The following PDZD2 variants were observed in gnomAD, a reference collection of about 807,000 sequenced individuals.
PDZD2 encodes PDZ domain containing 2.
Under a neutral mutation model 220.7 loss-of-function variants are expected in PDZD2, and 90 were observed. That is an observed-to-expected ratio of 0.41 (90% CI 0.34 to 0.49). The LOEUF is 0.49. PDZD2 is among the 20% of genes least tolerant of loss of function. The pLI is 0.28. For synonymous variants in PDZD2, 1,375 were observed against 1,450.5 expected, an observed-to-expected ratio of 0.95 and a Z score of 1.18; for missense variants, 3,174 against 3,608.5, an observed-to-expected ratio of 0.88 and a Z score of 3.08.
At chr5:31,836,607 A>T (rs568695004) in intron 2 of PDZD2, among the ~76,000 whole-genome samples, 1 of 151,620 alleles carries the variant, frequency 6.6e-6, no homozygotes, top group African/African-American at 2.4e-5. Context: ...TTCTTTTACA[A>T]CCTCTCCTAG....
intron 1 of PDZD2, among the ~76,000 whole-genome samples, chr5:31,788,752 T>G (rs953473289): frequency 1.1e-4 from 17 of 152,188 alleles, no homozygotes; most frequent in Admixed American, 4.6e-4. Flanking sequence ...TAGTTTGTAT[T>G]TGCACTGTTT....
intron 2 of PDZD2, among the ~76,000 whole-genome samples, chr5:31,919,762 G>A (rs535769193): frequency 3.4e-5 from 5 of 148,988 alleles, no homozygotes; most frequent in South Asian, 2.1e-4. Flanking sequence ...CCTGTAATCC[G>A]GGTTATCGGG....
intron 2 of PDZD2, among the ~76,000 whole-genome samples, chr5:31,917,847 A>G (rs989873147): frequency 2.0e-5 from 3 of 152,072 alleles, no homozygotes; most frequent in Non-Finnish European, 2.9e-5. Flanking sequence ...GGTTCAATCA[A>G]TTCTGTCTCA....
At chr5:31,978,502 G>A (rs1378901578) in intron 2 of PDZD2, among the ~76,000 whole-genome samples, 7 of 152,038 alleles carry the variant, frequency 4.6e-5, no homozygotes, top group South Asian at 2.1e-4. Flanking sequence ...GGCGGATCAC[G>A]AGGTCAGGAG....
At chr5:31,905,647 T>G (rs1335925155) in intron 2 of PDZD2, among the ~76,000 whole-genome samples, 1 of 152,220 alleles carries the variant, frequency 6.6e-6, no homozygotes, top group Non-Finnish European at 1.5e-5. Context: ...CACTACAGAG[T>G]TAACCTTCCC....
At chr5:31,821,368 G>A (rs1755839571) in intron 2 of PDZD2, among the ~76,000 whole-genome samples, 1 of 141,710 alleles carries the variant, frequency 7.1e-6, no homozygotes, top group African/African-American at 2.7e-5. Context: ...CAGTTTGTGA[G>A]GTTTGAGTTA....
At chr5:32,084,891 C>T (rs1441465025) in intron 19 of PDZD2, among the ~76,000 whole-genome samples, 4 of 151,762 alleles carry the variant, frequency 2.6e-5, no homozygotes, top group Non-Finnish European at 5.9e-5. Context: ...CATCCCCTTG[C>T]CCTGCCACCT....
intron 2 of PDZD2, among the ~76,000 whole-genome samples, chr5:31,906,565 G>A (rs571671050): frequency 2.0e-5 from 3 of 151,940 alleles, no homozygotes; most frequent in Admixed American, 6.6e-5. Flanking sequence ...ATTTATAGCC[G>A]GGTGCAGTGG....
At chr5:32,027,446 T>A (rs1754759105) in intron 6 of PDZD2, among the ~76,000 whole-genome samples, 1 of 152,200 alleles carries the variant, frequency 6.6e-6, no homozygotes, top group African/African-American at 2.4e-5. Flanking sequence ...GGGTGATGAA[T>A]GGGAGGAAGC....
At chr5:32,003,326 CA>C (rs1348919853) in intron 5 of PDZD2, among the ~76,000 whole-genome samples, 1,859 of 70,036 alleles carry the variant, frequency 0.027, 269 homozygotes, top group African/African-American at 0.1. Context: ...CCCACACACA[CA>C]CCCCCACCAC....
intron 15 of PDZD2, among the ~76,000 whole-genome samples, chr5:32,069,961 T>C (rs1418862039): frequency 1.3e-5 from 2 of 152,220 alleles, no homozygotes; most frequent in African/African-American, 2.4e-5. Context: ...AGGGAAACGA[T>C]ACCCAGAATT....
In PDZD2 at chr5:31,815,663, A is replaced by ACT. The variant is rs1755404711; in HGVS notation, c.476+15940_476+15941insTC. On this transcript the variant is annotated intron_variant, in intron 2 of 24. Transcript: ENST00000438447. ...CGCCTTTTTGCCTGTCATGGCCTGA[A>ACT]CCAGTTTCTCAGGTTTACTTTGGAA... Among the ~76,000 whole-genome samples the ACT allele has an allele frequency of 2.0e-5, 3 of 152,134 alleles. No individual in the cohort carries two copies. The South Asian group carries it at 6.2e-4, about 32-fold the overall frequency.
intron 1 of PDZD2, among the ~76,000 whole-genome samples, chr5:31,703,820 T>A (rs1747699060): frequency 6.6e-6 from 1 of 152,200 alleles, no homozygotes; most frequent in Non-Finnish European, 1.5e-5. Context: ...CAGTATGTGT[T>A]CTTTTTTCCT....
intron 1 of PDZD2, among the ~76,000 whole-genome samples, chr5:31,665,484 C>T (rs1013979990): frequency 2.0e-5 from 3 of 152,062 alleles, no homozygotes; most frequent in African/African-American, 4.8e-5. Flanking sequence ...GCTCTGTGTC[C>T]CCACCCAAAT....
At chr5:31,975,745 C>T (rs141506570) in intron 2 of PDZD2, among the ~76,000 whole-genome samples, 8 of 147,904 alleles carry the variant, frequency 5.4e-5, no homozygotes, top group Admixed American at 3.4e-4. Context: ...GCAAAGAAAT[C>T]GATTATCTTC....
chr5:32,098,764 T>A lies in PDZD2; in HGVS notation c.8218+130T>A, dbSNP rs531945686. 1 of 807,272 alleles carries A rather than the reference T, an allele frequency of 1.2e-6. No homozygotes were observed. The highest frequency in any genetic ancestry group is 1.9e-5 in the South Asian group (1 of 53,636). The allele number at this position is 807,272 out of a possible 1,614,324, so 50.0% of individuals were successfully genotyped here. A position where few individuals can be genotyped will look rare whatever the true frequency, so the allele number is the denominator to read the frequency against. On this transcript the variant is annotated intron_variant, in intron 23 of 24. Transcript: ENST00000438447. The surrounding 1 kb of genome is among the most constrained non-coding windows in gnomAD (Gnocchi z 4.1). The stretch of plus-strand genomic sequence containing the variant: ...AAAAATTAAATGTAGCGAAGTCTAG[T>A]GTGTTTGGATGCTGCTTACAAAAGC...
intron 1 of PDZD2, among the ~76,000 whole-genome samples, chr5:31,701,044 T>G (rs1747584119): frequency 6.6e-6 from 1 of 152,202 alleles, no homozygotes; most frequent in Non-Finnish European, 1.5e-5. Context: ...CTTCCAGTGC[T>G]GGAGCCACTT....
chr5:31,654,290 C>G (rs777452758), intron 1 of PDZD2, among the ~76,000 whole-genome samples: 6 of 152,134 alleles, frequency 3.9e-5, no homozygotes, highest in Non-Finnish European at 8.8e-5. Context: ...CTTACCTTGG[C>G]TCTCTGGATA....
chr5:31,787,051 G>A (rs1038735823), intron 1 of PDZD2, among the ~76,000 whole-genome samples: 10 of 152,174 alleles, frequency 6.6e-5, no homozygotes, highest in Admixed American at 2.0e-4. Context: ...GATCTACTGG[G>A]TTGTGAATGA....
Sources: allele counts gnomAD v4.1 joint callset (sites outside exome capture counted in the v4.1 genomes callset), GRCh38; gene constraint gnomAD v4.1.1; non-coding constraint Gnocchi (gnomAD v3.1); transcripts MANE v1.5; gene names NCBI Gene and HGNC (gene_info 2026-07-23, HGNC 2026-07-21).